Variants in BTBD7 observed in about 807,000 individuals in gnomAD.
BTBD7 encodes the protein BTB domain containing 7.
BTBD7 carries 38 observed loss-of-function variants against 99.9 expected under a neutral mutation model. The observed-to-expected ratio is 0.38, with a 90% CI of 0.29 to 0.50. The LOEUF is 0.50. Ranked by LOEUF, BTBD7 falls within the 20% of genes least tolerant of loss-of-function variation. The probability of loss-of-function intolerance (pLI) is 0.93; values close to 1 mark genes in which losing one functional copy is unlikely to be tolerated. For synonymous variants in BTBD7, 520 were observed against 511.4 expected (o/e 1.02, Z -0.23); for missense variants, 1,170 against 1,394.6 (o/e 0.84, Z 2.57).
At chr14:93,328,553 T>C (rs940626239) in intron 1 of BTBD7, among the ~76,000 whole-genome samples, 6 of 145,490 alleles carry the variant, frequency 4.1e-5, no homozygotes, top group African/African-American at 1.5e-4. Context: ...ACCACGTATA[T>C]GGTAATAGAT....
At chr14:93,291,789 T>A (rs1392841260) in intron 3 of BTBD7, among the ~76,000 whole-genome samples, 9 of 144,062 alleles carry the variant, frequency 6.2e-5, no homozygotes, top group African/African-American at 7.9e-5. Context: ...AGCTAAACAC[T>A]AAAAAAAAAA....
At chr14:93,323,340 G>GT (rs1269089691) in intron 1 of BTBD7, among the ~76,000 whole-genome samples, 1 of 152,184 alleles carries the variant, frequency 6.6e-6, no homozygotes, top group Non-Finnish European at 1.5e-5. Context: ...TTAGTAAATT[G>GT]TAACTCTTCT....
chr14:93,328,859 G>A (rs11847061), intron 1 of BTBD7, among the ~76,000 whole-genome samples: 11,981 of 152,154 alleles, frequency 0.079, 1,012 homozygotes, highest in African/African-American at 0.21. Flanking sequence ...CAAGGCTACT[G>A]TGAGCCATAA....
At chr14:93,285,914 A>T (rs939062293) in intron 3 of BTBD7, among the ~76,000 whole-genome samples, 2 of 152,236 alleles carry the variant, frequency 1.3e-5, no homozygotes, top group African/African-American at 4.8e-5. Context: ...CTATTAATCT[A>T]CAGTGTTGCT....
chr14:93,265,317 A>G (rs1410306876), intron 3 of BTBD7, among the ~76,000 whole-genome samples: 1 of 152,264 alleles, frequency 6.6e-6, no homozygotes, highest in African/African-American at 2.4e-5. Flanking sequence ...ATACGCTACC[A>G]GATGAGGAGA....
chr14:93,292,023 C>T (rs1486741172), intron 3 of BTBD7, among the ~76,000 whole-genome samples: 1 of 152,052 alleles, frequency 6.6e-6, no homozygotes, highest in Non-Finnish European at 1.5e-5. Context: ...CCTGTCTCTA[C>T]TAAAAATACA....
At chr14:93,247,245 C>G (rs975462395) in intron 9 of BTBD7, among the ~76,000 whole-genome samples, 1 of 152,170 alleles carries the variant, frequency 6.6e-6, no homozygotes, top group African/African-American at 2.4e-5. Context: ...CCAGGCTAGT[C>G]TTAAACTCTT....
chr14:93,248,700 A>G, intron 8 of BTBD7, 46 bp from the exon 9 acceptor site: 2 of 1,509,720 alleles, frequency 1.3e-6, no homozygotes, highest in Non-Finnish European at 1.8e-6. Flanking sequence ...TGAGCTACAC[A>G]AAAGACGACC....
chr14:93,243,428 C>T (rs866433056), intron 10 of BTBD7, among the ~76,000 whole-genome samples: 16 of 152,084 alleles, frequency 1.1e-4, no homozygotes, highest in African/African-American at 3.4e-4. Flanking sequence ...CTCCTGACCT[C>T]GTGATCCGCT....
chr14:93,246,243 C>A lies in BTBD7; in HGVS notation c.2165G>T (p.Ser722Ile). Residue 722 changes from serine to isoleucine, a missense_variant, in exon 10 of 11, where the codon AGT becomes ATT. Around this residue, in one of 4 missense-constraint regions of BTBD7, gnomAD observed 495 missense variants for 525.9 expected, o/e 0.94. Coordinates refer to ENST00000334746, the MANE Select transcript of BTBD7 (RefSeq NM_001002860.4). ...AGGCTGTCTCATTGTCAAGAGTGGA[C>A]TTTCATCCCCAAAACGTTCATCAGG... ...FFPDERFGDE[S>I]PLLTMRQPGR... is the part of the protein sequence containing the mutation. 1 of 1,537,022 alleles carries A rather than the reference C, an allele frequency of 6.5e-7. No homozygotes were observed. The highest frequency in any genetic ancestry group is 2.0e-5 in the Admixed American group (1 of 49,146).
intron 3 of BTBD7, among the ~76,000 whole-genome samples, chr14:93,265,153 C>A (rs983364787): frequency 6.6e-6 from 1 of 152,022 alleles, no homozygotes; most frequent in Non-Finnish European, 1.5e-5. Context: ...ACAGAAAGGG[C>A]GTAAATAAAC....
intron 3 of BTBD7, among the ~76,000 whole-genome samples, chr14:93,283,367 C>G (rs992145174): frequency 3.3e-5 from 5 of 152,156 alleles, no homozygotes; most frequent in Admixed American, 2.6e-4. Context: ...TGTGAGCCAC[C>G]ATCCCCAGCC....
At position 93,242,086 on chromosome 14, in the gene BTBD7, TAAAAA is replaced by T. The variant is rs780432278; in HGVS notation, c.*182_*186del. The T allele has an allele frequency of 8.2e-5, 40 of 486,358 alleles. No homozygotes were observed. Among genetic ancestry groups the T allele is most frequent in the Non-Finnish European group, 8.1e-5 (23 of 282,416 alleles). The allele number at this position is 486,358 out of a possible 1,614,324, so 30.1% of individuals were successfully genotyped here. On this transcript the variant is annotated 3_prime_UTR_variant, in exon 11 of 11. Coordinates refer to ENST00000334746, the MANE Select transcript of BTBD7 (RefSeq NM_001002860.4). Reference sequence around the variant, plus strand: ...AAGACAAATTAGACAGATGCAACATTAAAAAAAAAAAACAAAACCTTCTTAGCATG... The same window carrying T: ...AAGACAAATTAGACAGATGCAACATTAAAAAAACAAAACCTTCTTAGCATG...
intron 1 of BTBD7, among the ~76,000 whole-genome samples, chr14:93,311,987 T>C (rs1346254087): frequency 6.6e-6 from 1 of 152,068 alleles, no homozygotes; most frequent in African/African-American, 2.4e-5. Flanking sequence ...ATCCAAAGAA[T>C]ACAAATTGCT....
intron 1 of BTBD7, among the ~76,000 whole-genome samples, chr14:93,305,270 C>T (rs2053056712): frequency 6.6e-6 from 1 of 152,120 alleles, no homozygotes; most frequent in Non-Finnish European, 1.5e-5. Flanking sequence ...TCCTGCCCAT[C>T]AGAATATTTG....
In BTBD7 at chr14:93,240,194, G is replaced by C. The variant is rs116932044; in HGVS notation, c.*2079C>G. The C allele has an allele frequency of 2.0e-5, 3 of 152,710 alleles. No individual in the cohort carries two copies. Among genetic ancestry groups the C allele is most frequent in the East Asian group, 3.9e-4 (2 of 5,184 alleles). The allele number at this position is 152,710 out of a possible 1,614,324, so 9.5% of individuals were successfully genotyped here. ...GTGTTAACTCTGGGAGCTCGGGAGC[G>C]TGCACCACCACCAGTGTCACCGAGC... On this transcript the variant is annotated 3_prime_UTR_variant, in exon 11 of 11. Coordinates refer to ENST00000334746, the MANE Select transcript of BTBD7 (RefSeq NM_001002860.4).
chr14:93,294,952 A>G lies in BTBD7; in HGVS notation c.83-15T>C. ...GGATGAGGTCCCTAAGAAAAAAATT[A>G]AACAAATGAAAATTTATTTTTTCTT... On this transcript the variant is annotated splice_polypyrimidine_tract_variant and intron_variant, in intron 2 of 10. Coordinates refer to ENST00000334746, the MANE Select transcript of BTBD7 (RefSeq NM_001002860.4). 1.3e-6 allele frequency: 2 copies of G among 1,520,850 alleles called. No homozygotes were observed. Among genetic ancestry groups the G allele is most frequent in the Middle Eastern group, 1.9e-4 (1 of 5,320 alleles). 94.2% of individuals were successfully genotyped at this position (1,520,850 alleles called of 1,614,324 possible).
At chr14:93,301,858 C>T (rs2053008726) in intron 1 of BTBD7, among the ~76,000 whole-genome samples, 4 of 152,330 alleles carry the variant, frequency 2.6e-5, no homozygotes, top group Admixed American at 2.0e-4. Context: ...ATTTCCCAGA[C>T]AAAGCTTTTA....
At chr14:93,275,478 G>T (rs1437929971) in intron 3 of BTBD7, among the ~76,000 whole-genome samples, 1 of 152,170 alleles carries the variant, frequency 6.6e-6, no homozygotes, top group Admixed American at 6.5e-5. Flanking sequence ...TTTGGAATTT[G>T]GTTGTCCCTG....
Sources: gnomAD v4.1 joint callset for allele counts (sites outside exome capture counted in the v4.1 genomes callset) on GRCh38, gnomAD v4.1.1 for gene constraint, gnomAD v4.1.1 regional missense constraint, MANE v1.5 for transcripts, NCBI Gene and HGNC (gene_info 2026-07-23, HGNC 2026-07-21) for gene names.